The following ADAMTS9 variants were observed in gnomAD, a reference collection of about 807,000 sequenced individuals.
ADAMTS9 encodes ADAM metallopeptidase with thrombospondin type 1 motif 9.
Under a neutral mutation model 257.1 loss-of-function variants are expected in ADAMTS9, and 107 were observed. The ratio of observed to expected loss-of-function variants is 0.42; its 90% CI spans 0.36 to 0.49. The LOEUF is 0.49. ADAMTS9 is among the 20% of genes least tolerant of loss of function. ADAMTS9 has a pLI of 0.03. For synonymous variants in ADAMTS9, 982 were observed against 880.9 expected (o/e 1.11, Z -2.03); for missense variants, 2,353 against 2,469.1 (o/e 0.95, Z 1.00).
At position 64,631,754 on chromosome 3, in the gene ADAMTS9, A is replaced by G. The variant is rs911373669; in HGVS notation, c.2293+54T>C. 1.0e-5 allele frequency: 15 copies of G among 1,499,384 alleles called. No individual in the cohort carries two copies. In the African/African-American group the frequency reaches 2.1e-4, roughly 21 times the overall value. 92.9% of individuals were successfully genotyped at this position (1,499,384 alleles called of 1,614,324 possible). A position where few individuals can be genotyped will look rare whatever the true frequency, so the allele number is the denominator to read the frequency against. On this transcript the variant is annotated intron_variant, in intron 15 of 39. Transcript: ENST00000498707. ...TTTTGCATATTACATGTGGTTAACA[A>G]TTTTCAAACTTTGACCATATTCCTT... is the stretch of plus-strand genomic sequence containing the variant.
intron 28 of ADAMTS9, among the ~76,000 whole-genome samples, chr3:64,591,479 C>CA (rs1445489191): frequency 1.3e-5 from 2 of 151,472 alleles, no homozygotes; most frequent in South Asian, 2.1e-4. Flanking sequence ...CAAACACTAC[C>CA]AAAAAAAGAG....
intron 3 of ADAMTS9, among the ~76,000 whole-genome samples, chr3:64,678,293 T>C (rs948056797): frequency 2.6e-5 from 4 of 152,182 alleles, no homozygotes; most frequent in Non-Finnish European, 2.9e-5. Context: ...AGTTCCAGTA[T>C]CCTATCATCC....
chr3:64,562,204 T>G (rs1027527374), intron 29 of ADAMTS9, among the ~76,000 whole-genome samples: 1 of 152,192 alleles, frequency 6.6e-6, no homozygotes, highest in Non-Finnish European at 1.5e-5. Context: ...AGTAAACCAC[T>G]GAAGATTTTA....
Position 64,601,986 on chromosome 3 carries a change from A to G in ADAMTS9, c.3975T>C (p.His1325=). The G allele has an allele frequency of 6.2e-7, 1 of 1,613,738 alleles. No homozygotes were observed. Among genetic ancestry groups the G allele is most frequent in the South Asian group, 1.1e-5 (1 of 91,026 alleles). Residue 1325 remains histidine (H), a synonymous_variant, in exon 26 of 40, where the codon CAT becomes CAC. Coordinates refer to ENST00000498707, the MANE Select transcript of ADAMTS9 (RefSeq NM_182920.2). Reference sequence around the variant, plus strand: ...TTCTCCACTGGTTTCCACCGAGCACATGGGTGCGGCTGGGGCTGGCGCTCC... The same window carrying G: ...TTCTCCACTGGTTTCCACCGAGCACGTGGGTGCGGCTGGGGCTGGCGCTCC... ...RPRSASPSRT[H]VLGGNQWRTG... is the part of the protein sequence containing the mutation.
At chr3:64,605,601 C>G (rs1346658909) in intron 23 of ADAMTS9, among the ~76,000 whole-genome samples, 2 of 152,144 alleles carry the variant, frequency 1.3e-5, no homozygotes, top group African/African-American at 4.8e-5. Context: ...GTTCAAATGC[C>G]ATCTTCAGCA....
chr3:64,654,911 A>G (rs1701023759), intron 6 of ADAMTS9, among the ~76,000 whole-genome samples: 1 of 152,188 alleles, frequency 6.6e-6, no homozygotes, highest in African/African-American at 2.4e-5. Context: ...CCAGTTTCGT[A>G]AAGACTCTTT....
At chr3:64,526,721 C>G (rs558431326) in intron 38 of ADAMTS9, among the ~76,000 whole-genome samples, 1 of 152,210 alleles carries the variant, frequency 6.6e-6, no homozygotes, top group Non-Finnish European at 1.5e-5. Context: ...CTTGAACAAC[C>G]TCTTTACGCC....
At chr3:64,672,957 C>T (rs769003645) in intron 3 of ADAMTS9, among the ~76,000 whole-genome samples, 8 of 149,702 alleles carry the variant, frequency 5.3e-5, no homozygotes, top group African/African-American at 1.7e-4. Context: ...AGATACTTAA[C>T]ATCACGTTAT....
At chr3:64,524,831 C>G (rs966793830) in intron 38 of ADAMTS9, among the ~76,000 whole-genome samples, 2 of 152,178 alleles carry the variant, frequency 1.3e-5, no homozygotes, top group African/African-American at 2.4e-5. Flanking sequence ...ATTCTGTACT[C>G]AACACATGCA....
At chr3:64,653,294 G>A (rs1487892311) in intron 8 of ADAMTS9, among the ~76,000 whole-genome samples, 1 of 152,182 alleles carries the variant, frequency 6.6e-6, no homozygotes, top group African/African-American at 2.4e-5. Context: ...GGATAGAGAC[G>A]ATGCTGACTA....
At chr3:64,564,621 G>T (rs1403758163) in intron 29 of ADAMTS9, among the ~76,000 whole-genome samples, 1 of 151,690 alleles carries the variant, frequency 6.6e-6, no homozygotes, top group East Asian at 1.9e-4. Context: ...TTGTGTGTGG[G>T]GGGGGCGTTG....
intron 28 of ADAMTS9, among the ~76,000 whole-genome samples, chr3:64,571,646 A>T (rs1276004796): frequency 6.6e-6 from 1 of 152,156 alleles, no homozygotes; most frequent in Non-Finnish European, 1.5e-5. Context: ...TGCCATACTT[A>T]TTATCTGCCT....
At position 64,616,176 on chromosome 3, in the gene ADAMTS9, C is replaced by A; in HGVS notation, c.2814-6G>T. On this transcript the variant is annotated splice_polypyrimidine_tract_variant and splice_region_variant and intron_variant, in intron 19 of 39. Transcript: ENST00000498707. ...TCCTGCTGGCAACATGCCACCTATG[C>A]AAAAATAATGGGGCAAAACCAACAT... 1 of 1,613,858 alleles carries A rather than the reference C, an allele frequency of 6.2e-7. No individual in the cohort carries two copies. Among genetic ancestry groups the A allele is most frequent in the South Asian group, 1.1e-5 (1 of 91,062 alleles).
intron 37 of ADAMTS9, among the ~76,000 whole-genome samples, chr3:64,534,037 C>G (rs1040897092): frequency 6.6e-6 from 1 of 152,234 alleles, no homozygotes; most frequent in Non-Finnish European, 1.5e-5. Context: ...ATCTGAAATA[C>G]TTTCTTCTTG....
chr3:64,671,954 A>G (rs1291751674), intron 3 of ADAMTS9, among the ~76,000 whole-genome samples: 1 of 152,220 alleles, frequency 6.6e-6, no homozygotes, highest in African/African-American at 2.4e-5. Context: ...TCAATGCATG[A>G]TAAAATAGCA....
intron 16 of ADAMTS9, among the ~76,000 whole-genome samples, chr3:64,623,566 A>G (rs1047840384): frequency 2.0e-5 from 3 of 152,222 alleles, no homozygotes; most frequent in African/African-American, 4.8e-5. Context: ...ACTGAGAGAT[A>G]GTATATATTT....
chr3:64,569,608 A>AAC (rs2083627527), intron 28 of ADAMTS9, among the ~76,000 whole-genome samples: 1 of 151,058 alleles, frequency 6.6e-6, no homozygotes, highest in Admixed American at 6.6e-5. Context: ...CATGAAACAT[A>AAC]TTAACTCAAC....
Position 64,641,899 on chromosome 3 carries a change from C to T in ADAMTS9, c.1805G>A (p.Arg602Lys). Residue 602 changes from arginine (R) to lysine (K), a missense_variant, in exon 12 of 40, where the codon AGA (arginine) becomes AAA (lysine). By Grantham distance (26) the Arg-to-Lys change is conservative (BLOSUM62 2). This residue lies in a region of ADAMTS9 where 360 missense variants were observed against 458.1 expected (regional missense o/e 0.79). Coordinates refer to ENST00000498707, the MANE Select transcript of ADAMTS9 (RefSeq NM_182920.2). ...GSWSPFGTCSRTCGGGIKTAI... is the reference protein window; with the variant it reads ...GSWSPFGTCSKTCGGGIKTAI... ...TGTTTTGATGCCCCCTCCACATGTT[C>T]TGGAGCAGGTTCCAAAGGGACTCCA... 1 of 1,614,120 alleles carries T rather than the reference C, an allele frequency of 6.2e-7. No individual in the cohort carries two copies. Among genetic ancestry groups the T allele is most frequent in the Non-Finnish European group, 8.5e-7 (1 of 1,180,004 alleles).
At position 64,528,991 on chromosome 3, in the gene ADAMTS9, A is replaced by G. The variant is rs78318289; in HGVS notation, c.5718+4175T>C. Among the ~76,000 whole-genome samples, 221 of 152,172 alleles carry G rather than the reference A, an allele frequency of 1.5e-3. 1 individual carries two copies. The highest frequency in any genetic ancestry group is 5.0e-3 in the African/African-American group (208 of 41,528). ...TCACCTCTGGGCTCTGCAGCCACTGACGGTTTTCACTGTGGCACCAAGGGC... is the reference window on the plus strand; with the variant it reads ...TCACCTCTGGGCTCTGCAGCCACTGGCGGTTTTCACTGTGGCACCAAGGGC... On this transcript the variant is annotated intron_variant, in intron 38 of 39. Transcript: ENST00000498707.
Sources: allele counts gnomAD v4.1 joint callset (sites outside exome capture counted in the v4.1 genomes callset), GRCh38; gene constraint gnomAD v4.1.1; regional missense constraint gnomAD v4.1.1; transcripts MANE v1.5; gene names NCBI Gene and HGNC (gene_info 2026-07-23, HGNC 2026-07-21).